Variants in GNAQ observed in about 807,000 individuals in gnomAD.
GNAQ encodes the protein G protein subunit alpha q.
GNAQ carries 8 observed loss-of-function variants against 43.9 expected under a neutral mutation model. The ratio of observed to expected loss-of-function variants is 0.18; its 90% CI spans 0.11 to 0.33. The LOEUF (loss-of-function observed/expected upper bound fraction) is 0.33, where lower values mean the gene tolerates loss of function less well. Ranked by LOEUF, GNAQ falls within the 10% of genes least tolerant of loss-of-function variation. The pLI, the probability that GNAQ is intolerant of heterozygous loss-of-function variation, is 1.00. For synonymous variants in GNAQ, 155 were observed against 170.7 expected (o/e 0.91, Z 0.71); for missense variants, 158 against 450.8 (o/e 0.35, Z 5.88).
chr9:78,014,209 A>G (rs984081650), intron 1 of GNAQ, among the ~76,000 whole-genome samples: 10 of 152,190 alleles, frequency 6.6e-5, no homozygotes, highest in African/African-American at 2.4e-4. Flanking sequence ...GAAATCAAGA[A>G]AGAATCAGAA....
intron 2 of GNAQ, among the ~76,000 whole-genome samples, chr9:77,860,191 G>A (rs562001918): frequency 2.6e-4 from 40 of 152,282 alleles, no homozygotes; most frequent in Middle Eastern, 3.4e-3. Flanking sequence ...ATCTGCAGGC[G>A]GCTGAGTGGG....
At chr9:77,843,496 T>C (rs936858593) in intron 2 of GNAQ, among the ~76,000 whole-genome samples, 1 of 152,152 alleles carries the variant, frequency 6.6e-6, no homozygotes, top group Non-Finnish European at 1.5e-5. Flanking sequence ...ATTTATTGTT[T>C]ATGGAGGGCA....
chr9:77,928,941 C>G (rs1829108120), intron 1 of GNAQ, among the ~76,000 whole-genome samples: 1 of 152,140 alleles, frequency 6.6e-6, no homozygotes, highest in Admixed American at 6.5e-5. Flanking sequence ...TCACTTGAAC[C>G]AGGGAGGCGG....
chr9:77,730,525 T>C (rs548395607), intron 5 of GNAQ, among the ~76,000 whole-genome samples: 3 of 152,190 alleles, frequency 2.0e-5, no homozygotes, highest in Admixed American at 1.3e-4. Context: ...GGCACACTTT[T>C]CCAAAGCAGA....
At position 77,791,345 on chromosome 9, in the gene GNAQ, T is replaced by C. The variant is rs139211867; in HGVS notation, c.735+3118A>G. Among the ~76,000 whole-genome samples, 11 of 152,334 alleles carry C rather than the reference T, an allele frequency of 7.2e-5. No homozygotes were observed. The East Asian group carries it at 2.1e-3, about 29-fold the overall frequency. On this transcript the variant is annotated intron_variant, in intron 5 of 6. Coordinates refer to ENST00000286548, the MANE Select transcript of GNAQ (RefSeq NM_002072.5). ...CACACTGATAAACTAAAATATGTTA[T>C]AAGCATGTCTTATTGTGTGCTTTGG...
intron 2 of GNAQ, among the ~76,000 whole-genome samples, chr9:77,822,500 G>A (rs1384989322): frequency 1.3e-5 from 2 of 151,938 alleles, no homozygotes; most frequent in South Asian, 4.2e-4. Flanking sequence ...AACCAGAGGA[G>A]TATGTTGCTG....
chr9:77,865,016 A>G (rs1386592077), intron 2 of GNAQ, among the ~76,000 whole-genome samples: 1 of 152,212 alleles, frequency 6.6e-6, no homozygotes, highest in Non-Finnish European at 1.5e-5. Flanking sequence ...CAAAAAGAAA[A>G]TTAACACCTT....
At chr9:77,914,105 C>T (rs1018199554) in intron 2 of GNAQ, among the ~76,000 whole-genome samples, 8 of 151,746 alleles carry the variant, frequency 5.3e-5, no homozygotes, top group African/African-American at 1.7e-4. Context: ...TTTACATGGC[C>T]GTCATGGGTA....
intron 5 of GNAQ, among the ~76,000 whole-genome samples, chr9:77,755,288 C>T (rs538496263): frequency 4.0e-5 from 6 of 151,740 alleles, no homozygotes; most frequent in Admixed American, 3.9e-4. Context: ...TTAGATAAAA[C>T]GAATAAGATC....
At chr9:77,919,100 A>G (rs1281215704) in intron 2 of GNAQ, among the ~76,000 whole-genome samples, 1 of 152,106 alleles carries the variant, frequency 6.6e-6, no homozygotes, top group East Asian at 1.9e-4. Flanking sequence ...TTGTATTTTT[A>G]GTAGAGACAG....
At chr9:77,868,611 C>T (rs982190285) in intron 2 of GNAQ, among the ~76,000 whole-genome samples, 2 of 152,118 alleles carry the variant, frequency 1.3e-5, no homozygotes, top group Non-Finnish European at 2.9e-5. Flanking sequence ...TCCTGGCCAA[C>T]ATAGTGAAGT....
intron 1 of GNAQ, among the ~76,000 whole-genome samples, chr9:77,992,658 C>T (rs954652003): frequency 1.2e-4 from 18 of 152,064 alleles, no homozygotes; most frequent in South Asian, 2.1e-4. Flanking sequence ...AAAAGAGGAA[C>T]GACGTCCAGG....
chr9:77,888,814 T>C (rs539896656), intron 2 of GNAQ, among the ~76,000 whole-genome samples: 1 of 151,886 alleles, frequency 6.6e-6, no homozygotes, highest in Non-Finnish European at 1.5e-5. Context: ...CACTAACAAT[T>C]AGTCTAGCAA....
chr9:77,753,533 C>T (rs997920475), intron 5 of GNAQ, among the ~76,000 whole-genome samples: 7 of 152,120 alleles, frequency 4.6e-5, no homozygotes, highest in Non-Finnish European at 2.9e-5. Context: ...AGTTAGTGAA[C>T]GAATAACCTT....
intron 2 of GNAQ, among the ~76,000 whole-genome samples, chr9:77,831,623 A>C (rs1266140395): frequency 1.3e-5 from 2 of 152,212 alleles, no homozygotes; most frequent in African/African-American, 4.8e-5. Context: ...TATCTGTTTC[A>C]TACTCTGTGT....
chr9:77,804,039 T>C (rs1826787139), intron 3 of GNAQ, among the ~76,000 whole-genome samples: 1 of 152,256 alleles, frequency 6.6e-6, no homozygotes, highest in Admixed American at 6.5e-5. Context: ...CAATATTACA[T>C]ACAACACTTT....
chr9:78,009,462 C>T (rs962481115), intron 1 of GNAQ, among the ~76,000 whole-genome samples: 1 of 152,180 alleles, frequency 6.6e-6, no homozygotes, highest in Admixed American at 6.5e-5. Flanking sequence ...TATACCAACA[C>T]AAGTGGTGAA....
intron 5 of GNAQ, among the ~76,000 whole-genome samples, chr9:77,767,553 T>C (rs1220538773): frequency 6.6e-6 from 1 of 152,170 alleles, no homozygotes; most frequent in Admixed American, 6.5e-5. Context: ...CAAGCCAGGG[T>C]ATAAGACTAA....
intron 1 of GNAQ, among the ~76,000 whole-genome samples, chr9:77,958,427 C>T (rs180760368): frequency 2.2e-4 from 33 of 152,156 alleles, no homozygotes; most frequent in African/African-American, 7.5e-4. Context: ...AAATGTGCTG[C>T]TAAAATAACA....
Sources: gnomAD v4.1 joint callset for allele counts (sites outside exome capture counted in the v4.1 genomes callset) on GRCh38, gnomAD v4.1.1 for gene constraint, MANE v1.5 for transcripts, NCBI Gene and HGNC (gene_info 2026-07-23, HGNC 2026-07-21) for gene names.